The following AP1S2 variants were observed in gnomAD, a reference collection of about 807,000 sequenced individuals.
AP1S2 encodes adaptor related protein complex 1 subunit sigma 2.
AP1S2 carries 1 observed loss-of-function variant against 14.3 expected under a neutral mutation model. The observed-to-expected ratio is 0.07, with a 90% CI of 0.02 to 0.33. AP1S2 has a LOEUF of 0.33. AP1S2 is among the 10% of genes least tolerant of loss of function. The probability of loss-of-function intolerance (pLI) is 0.99; values close to 1 mark genes in which losing one functional copy is unlikely to be tolerated. For missense variants in AP1S2, 30 were observed against 117.7 expected (o/e 0.25, Z 3.45); for synonymous variants, 30 against 40.5 (o/e 0.74, Z 0.99).
chrX:15,843,951 T>C (rs1933919717), intron 4 of AP1S2, among the ~76,000 whole-genome samples: 1 of 112,315 alleles, frequency 8.9e-6, no homozygotes, highest in African/African-American at 3.2e-5. Flanking sequence ...TGTGGCAAAC[T>C]GTACACACAA....
Position 15,828,217 on chromosome X carries a change from A to G in AP1S2, c.427-17T>C. The G allele has an allele frequency of 9.1e-7, 1 of 1,100,946 alleles. No individual in the cohort carries two copies. Among genetic ancestry groups the G allele is most frequent in the East Asian group, 3.4e-5 (1 of 29,692 alleles). The allele number at this position is 1,100,946 out of a possible 1,213,427, so 90.7% of individuals were successfully genotyped here. ...TTTCGCATCCTAATCATGGTACAGCACAAAGCAAGGAGAAGAGAAATTATA... is the reference window on the plus strand; with the variant it reads ...TTTCGCATCCTAATCATGGTACAGCGCAAAGCAAGGAGAAGAGAAATTATA... On this transcript the variant is annotated splice_polypyrimidine_tract_variant and intron_variant, in intron 4 of 5. Transcript: ENST00000672987.
chrX:15,833,675 G>T (rs941550773), intron 4 of AP1S2, among the ~76,000 whole-genome samples: 16 of 112,023 alleles, frequency 1.4e-4, no homozygotes, highest in African/African-American at 4.5e-4. Flanking sequence ...TAATTTTTTA[G>T]CTAAATTATA....
intron 4 of AP1S2, chrX:15,830,360 G>A: frequency 4.0e-6 from 3 of 752,964 alleles, no homozygotes; most frequent in Non-Finnish European, 4.7e-6. Context: ...AGCACATCCA[G>A]GTGCTTCAAA....
chrX:15,834,805 T>A (rs1426907298), intron 4 of AP1S2, among the ~76,000 whole-genome samples: 2 of 108,385 alleles, frequency 1.8e-5, no homozygotes, highest in African/African-American at 6.7e-5. Flanking sequence ...TTTCTTTTAT[T>A]CTATTCCTAT....
intron 1 of AP1S2, among the ~76,000 whole-genome samples, chrX:15,853,559 G>C (rs1307920913): frequency 8.9e-6 from 1 of 112,097 alleles, no homozygotes; most frequent in Non-Finnish European, 1.9e-5. Flanking sequence ...TAAGATTCAA[G>C]CATGATTCTC....
intron 4 of AP1S2, among the ~76,000 whole-genome samples, chrX:15,828,769 T>TA (rs11399830): frequency 0.23 from 23,482 of 101,172 alleles, 2,169 homozygotes; most frequent in East Asian, 0.35. Flanking sequence ...GACCTCGTTT[T>TA]AAAAAAAAAA....
At chrX:15,838,366 G>GA (rs1329263734) in intron 4 of AP1S2, among the ~76,000 whole-genome samples, 1 of 111,504 alleles carries the variant, frequency 9.0e-6, no homozygotes, top group African/African-American at 3.3e-5. Context: ...GTGTTTGCCT[G>GA]TATTTGCTAA....
intron 4 of AP1S2, chrX:15,840,692 A>G (rs1933802864): frequency 4.6e-6 from 2 of 437,792 alleles, no homozygotes; most frequent in Admixed American, 4.0e-5. Flanking sequence ...GTGTGTTTAA[A>G]TAAATCCAAC....
chrX:15,852,251 A>C, intron 2 of AP1S2, 95 bp downstream of exon 2: 1 of 810,638 alleles, frequency 1.2e-6, no homozygotes, highest in Non-Finnish European at 1.8e-6. Context: ...ATCTTTATTA[A>C]TCGTTATTTA....
chrX:15,849,139 C>A (rs180674230), intron 2 of AP1S2, among the ~76,000 whole-genome samples: 224 of 112,017 alleles, frequency 2.0e-3, no homozygotes, highest in African/African-American at 6.9e-3. Context: ...AACTAGCTAA[C>A]GTTACAAAGG....
chrX:15,837,229 A>G (rs1227626356), intron 4 of AP1S2, among the ~76,000 whole-genome samples: 1 of 112,309 alleles, frequency 8.9e-6, no homozygotes, highest in African/African-American at 3.2e-5. Context: ...TTCACTAAGT[A>G]AAACCTTTAA....
chrX:15,840,593 T>G, intron 4 of AP1S2: 1 of 962,831 alleles, frequency 1.0e-6, no homozygotes, highest in Non-Finnish European at 1.4e-6. Flanking sequence ...ATTCTGGCTC[T>G]ATAAAATTAA....
chrX:15,846,232 T>A (rs768018957), intron 2 of AP1S2, among the ~76,000 whole-genome samples: 15 of 111,890 alleles, frequency 1.3e-4, no homozygotes, highest in Non-Finnish European at 2.4e-4. Flanking sequence ...ATCATACCAC[T>A]TAGAATAAGT....
At chrX:15,848,800 C>T (rs750727708) in intron 2 of AP1S2, among the ~76,000 whole-genome samples, 1 of 112,086 alleles carries the variant, frequency 8.9e-6, no homozygotes, top group East Asian at 2.8e-4. Flanking sequence ...ATATTCAAAA[C>T]ACATGACTTC....
At position 15,836,909 on chromosome X, in the gene AP1S2, A is replaced by G. The variant is rs1049800429; in HGVS notation, c.426+8470T>C. ...CAAAACAAATATACAAACAAAAAAAAGCAGAATAATTAACTTAGCAAATAT... is the reference window on the plus strand; with the variant it reads ...CAAAACAAATATACAAACAAAAAAAGGCAGAATAATTAACTTAGCAAATAT... On this transcript the variant is annotated intron_variant, in intron 4 of 5. Coordinates refer to ENST00000672987, the MANE Select transcript of AP1S2 (RefSeq NM_001272071.2). 2.7e-5 allele frequency among the ~76,000 whole-genome samples: 3 copies of G among 111,255 alleles called. No homozygotes were observed. In the Admixed American group the frequency reaches 2.9e-4, roughly 11 times the overall value.
At position 15,852,529 on chromosome X, in the gene AP1S2, T is replaced by C. The variant is rs1934209317; in HGVS notation, c.1-5A>G. 8.4e-7 allele frequency: 1 copy of C among 1,193,063 alleles called. No homozygotes were observed. The highest frequency in any genetic ancestry group is 3.0e-5 in the East Asian group (1 of 33,752). ...AAAAAGCAACATAAACTGCATCTGT[T>C]AAGATAAATAAAATCAAGATTACAT... is the stretch of plus-strand genomic sequence containing the variant. On this transcript the variant is annotated splice_polypyrimidine_tract_variant and splice_region_variant and intron_variant, in intron 1 of 5. Transcript: ENST00000672987.
intron 4 of AP1S2, chrX:15,832,980 T>A: frequency 8.9e-7 from 1 of 1,129,098 alleles, no homozygotes; most frequent in Non-Finnish European, 1.2e-6. Context: ...CCAATGAAAC[T>A]CTTGCTGTGA....
At chrX:15,844,898 A>G in intron 4 of AP1S2, 1 of 546,956 alleles carries the variant, frequency 1.8e-6, no homozygotes, top group Non-Finnish European at 2.2e-6. Context: ...AGAAAACACT[A>G]TCATTTGCTT....
chrX:15,852,447 C>T lies in AP1S2; in HGVS notation c.78G>A (p.Glu26=), dbSNP rs757069069. 7 of 1,210,002 alleles carry T rather than the reference C, an allele frequency of 5.8e-6. No individual in the cohort carries two copies. The highest frequency in any genetic ancestry group is 2.2e-5 in the Admixed American group (1 of 45,823). ...CAAGTTCTCTTGTGATCTTTTTCTT[C>T]TCTTTGTCTGATAGTGGGACATACC... ...QKWYVPLSDK[E]KKKITRELVQ... The change falls in exon 2 of 6, where the codon GAG becomes GAA. Residue 26 remains glutamate, a synonymous_variant. Coordinates refer to ENST00000672987, the MANE Select transcript of AP1S2 (RefSeq NM_001272071.2).
Sources: allele counts gnomAD v4.1 joint callset (sites outside exome capture counted in the v4.1 genomes callset), GRCh38; gene constraint gnomAD v4.1.1; transcripts MANE v1.5; gene names NCBI Gene and HGNC (gene_info 2026-07-23, HGNC 2026-07-21).